Variants in RARB observed in about 807,000 individuals in gnomAD.
The protein encoded by RARB is HBV-activated protein.
In RARB, 17 loss-of-function variants were observed where a neutral mutation model predicts 51.9. The observed-to-expected ratio is 0.33, with a 90% confidence interval of 0.22 to 0.49. RARB has a LOEUF of 0.49. RARB is among the 20% of genes least tolerant of loss of function. RARB has a pLI of 0.99. For missense variants in RARB, 369 were observed against 550.8 expected, an observed-to-expected ratio of 0.67 and a Z score of 3.30; for synonymous variants, 215 against 195.4, an observed-to-expected ratio of 1.10 and a Z score of -0.84.
chr3:25,292,460 C>T (rs1288116618), intron 5 of RARB, among the ~76,000 whole-genome samples: 2 of 152,146 alleles, frequency 1.3e-5, no homozygotes, highest in Admixed American at 6.6e-5. Flanking sequence ...TATGCCCCGT[C>T]TTCCTTTGAG....
chr3:25,423,392 GGTA>G (rs1168168075), upstream of RARB, among the ~76,000 whole-genome samples: 1 of 152,114 alleles, frequency 6.6e-6, no homozygotes, highest in Non-Finnish European at 1.5e-5. Flanking sequence ...TTTTAAATGA[GGTA>G]GTTCTATATG....
At chr3:25,008,528 T>G (rs1697323713) in intron 2 of RARB, among the ~76,000 whole-genome samples, 1 of 152,116 alleles carries the variant, frequency 6.6e-6, no homozygotes, top group South Asian at 2.1e-4. Context: ...TTAGGAGTCT[T>G]TGAATGCCTT....
rs534546222 is a variant in RARB at position 25,314,779 on chromosome 3, A to G, written c.178+140204A>G. On this transcript the variant is annotated intron_variant, in intron 5 of 11. Coordinates refer to the RARB transcript ENST00000383772. ...ATTGTGTGACACTGAGGTTTGGGGTATAATTGATCCTATCACCCAGGTGGT... is the reference window on the plus strand; with the variant it reads ...ATTGTGTGACACTGAGGTTTGGGGTGTAATTGATCCTATCACCCAGGTGGT... Among the ~76,000 whole-genome samples, 16 of 152,292 alleles carry G rather than the reference A, an allele frequency of 1.1e-4. 1 individual carries two copies. The highest frequency in any genetic ancestry group is 5.9e-4 in the Admixed American group (9 of 15,294).
intron 2 of RARB, among the ~76,000 whole-genome samples, chr3:24,878,172 C>T (rs965503246): frequency 4.6e-5 from 7 of 150,798 alleles, no homozygotes; most frequent in Non-Finnish European, 8.8e-5. Flanking sequence ...CAGCTTTTGT[C>T]CTCAAGTCTC....
At chr3:25,039,939 G>A (rs559117287) in intron 2 of RARB, among the ~76,000 whole-genome samples, 5 of 152,204 alleles carry the variant, frequency 3.3e-5, no homozygotes, top group Non-Finnish European at 5.9e-5. Context: ...AGAAAGTGAA[G>A]GAGAGGTAAC....
intron 2 of RARB, among the ~76,000 whole-genome samples, chr3:25,032,291 C>T (rs9832263): frequency 0.011 from 1,726 of 152,294 alleles, 36 homozygotes; most frequent in African/African-American, 0.039. Context: ...CTTTCCCCAC[C>T]TTCCCCTTAC....
At chr3:25,381,441 C>G (rs540174207) in intron 5 of RARB, among the ~76,000 whole-genome samples, 1 of 152,316 alleles carries the variant, frequency 6.6e-6, no homozygotes, top group South Asian at 2.1e-4. Context: ...CTCCGGATCA[C>G]ATTTGTCAAA....
At chr3:24,882,586 C>G (rs778465231) in intron 2 of RARB, among the ~76,000 whole-genome samples, 1 of 152,164 alleles carries the variant, frequency 6.6e-6, no homozygotes, top group African/African-American at 2.4e-5. Context: ...ATAATAACAT[C>G]CATTTCAACT....
chr3:24,966,887 C>T (rs2125414987), intron 2 of RARB, among the ~76,000 whole-genome samples: 1 of 152,264 alleles, frequency 6.6e-6, no homozygotes, highest in Middle Eastern at 3.4e-3. Flanking sequence ...TACATTTTGA[C>T]TGTGTTGAAC....
In RARB at chr3:25,569,927, T is replaced by C. The variant is rs770609032; in HGVS notation, c.609+9T>C. On this transcript the variant is annotated intron_variant, in intron 4 of 7. Transcript: ENST00000330688. ...TGGGTAAATACACCACGGTAAGAGA[T>C]ACTCCTGCCCCAGGCTGCTGGGAGT... 1.2e-6 allele frequency: 2 copies of C among 1,612,460 alleles called. No homozygotes were observed. The highest frequency in any genetic ancestry group is 1.7e-6 in the Non-Finnish European group (2 of 1,179,200).
intron 2 of RARB, among the ~76,000 whole-genome samples, chr3:24,859,058 GAAAAA>G (rs11333927): frequency 3.3e-5 from 4 of 121,002 alleles, no homozygotes; most frequent in Admixed American, 1.9e-4. Flanking sequence ...AAAAAAAAAA[GAAAAA>G]AAAAAAGTTC....
chr3:25,207,129 T>C (rs1415411664), intron 5 of RARB, among the ~76,000 whole-genome samples: 1 of 152,140 alleles, frequency 6.6e-6, no homozygotes. Context: ...CAGGGGAAAA[T>C]GTATAAATCA....
At chr3:25,177,385 C>G (rs1239707365) in intron 5 of RARB, among the ~76,000 whole-genome samples, 1 of 152,140 alleles carries the variant, frequency 6.6e-6, no homozygotes, top group Non-Finnish European at 1.5e-5. Flanking sequence ...AACACACATA[C>G]TTGGGTGGAA....
At chr3:25,588,926 T>C (rs545319200) in intron 5 of RARB, among the ~76,000 whole-genome samples, 1 of 152,296 alleles carries the variant, frequency 6.6e-6, no homozygotes, top group East Asian at 1.9e-4. Flanking sequence ...ACACCATCAC[T>C]TTCACCATAT....
intron 4 of RARB, among the ~76,000 whole-genome samples, chr3:25,144,510 T>C (rs7620023): frequency 0.79 from 120,283 of 152,018 alleles, 47,746 homozygotes; most frequent in Admixed American, 0.83. Flanking sequence ...ATCAAATGCA[T>C]ATAATACAAC....
intron 2 of RARB, among the ~76,000 whole-genome samples, chr3:24,995,171 G>A (rs906074040): frequency 2.0e-5 from 3 of 151,044 alleles, no homozygotes; most frequent in Non-Finnish European, 3.0e-5. Flanking sequence ...TATTTCATCA[G>A]TGTTTTGTAG....
chr3:25,180,955 A>G (rs1236245767), intron 5 of RARB, among the ~76,000 whole-genome samples: 2 of 152,150 alleles, frequency 1.3e-5, no homozygotes, highest in African/African-American at 2.4e-5. Flanking sequence ...TGCTACATAT[A>G]TTACCTCTGT....
intron 2 of RARB, among the ~76,000 whole-genome samples, chr3:24,877,457 A>C (rs1456817423): frequency 1.3e-5 from 2 of 149,516 alleles, no homozygotes; most frequent in Non-Finnish European, 3.0e-5. Flanking sequence ...ATGGCTGCAA[A>C]TGGGAGAATT....
At chr3:25,358,377 T>G (rs529804475) in intron 5 of RARB, among the ~76,000 whole-genome samples, 2 of 152,332 alleles carry the variant, frequency 1.3e-5, no homozygotes, top group East Asian at 3.9e-4. Flanking sequence ...AAGGAGATTT[T>G]GGGCTGGGAC....
Sources: allele counts gnomAD v4.1 joint callset (sites outside exome capture counted in the v4.1 genomes callset), GRCh38; gene constraint gnomAD v4.1.1; transcripts MANE v1.5; gene names NCBI Gene and HGNC (gene_info 2026-07-23, HGNC 2026-07-21).